The following STAM variants were observed in gnomAD, a reference collection of about 807,000 sequenced individuals.
The protein encoded by STAM is signal transducing adaptor molecule.
In STAM, 16 loss-of-function variants were observed where a neutral mutation model predicts 63.4. The observed-to-expected ratio is 0.25, with a 90% CI of 0.17 to 0.38. The LOEUF is 0.38. Ranked by LOEUF, STAM falls within the 10% of genes least tolerant of loss-of-function variation. STAM has a pLI of 1.00. For synonymous variants in STAM, 238 were observed against 223.9 expected, an observed-to-expected ratio of 1.06 and a Z score of -0.56; for missense variants, 636 against 657.1, an observed-to-expected ratio of 0.97 and a Z score of 0.35.
chr10:17,705,242 C>T (rs1836208651), intron 11 of STAM, among the ~76,000 whole-genome samples: 1 of 152,092 alleles, frequency 6.6e-6, no homozygotes, highest in Non-Finnish European at 1.5e-5. Context: ...AAAGGACCAG[C>T]GTAGATAGGT....
chr10:17,692,627 TTA>T (rs1218161844), intron 5 of STAM, among the ~76,000 whole-genome samples: 1 of 152,226 alleles, frequency 6.6e-6, no homozygotes, highest in African/African-American at 2.4e-5. Flanking sequence ...GTGAATTGAA[TTA>T]TATGTTTGTT....
chr10:17,650,882 G>A (rs1207098682), intron 1 of STAM, among the ~76,000 whole-genome samples: 6 of 151,946 alleles, frequency 3.9e-5, no homozygotes, highest in African/African-American at 9.7e-5. Flanking sequence ...TGGCTAACAT[G>A]GTGAAACCCC....
intron 7 of STAM, chr10:17,696,468 T>C (rs1289303711): frequency 8.1e-6 from 2 of 248,042 alleles, no homozygotes; most frequent in African/African-American, 2.2e-5. Flanking sequence ...GACTTCTTAC[T>C]CTGGAGCCTG....
intron 2 of STAM, among the ~76,000 whole-genome samples, chr10:17,681,117 A>G (rs1011049532): frequency 6.6e-6 from 1 of 151,432 alleles, no homozygotes; most frequent in South Asian, 2.1e-4. Context: ...ATTTCTCCAC[A>G]TCTTTGTCAA....
intron 12 of STAM, 147 bp from the exon 13 acceptor site, chr10:17,708,629 A>C (rs1180520937): frequency 2.5e-6 from 2 of 802,048 alleles, no homozygotes; most frequent in Non-Finnish European, 3.6e-6. Context: ...GCGTTTTTCA[A>C]AATGCCCGTT....
At chr10:17,700,916 TG>T (rs1835967249) in intron 9 of STAM, among the ~76,000 whole-genome samples, 1 of 152,246 alleles carries the variant, frequency 6.6e-6, no homozygotes, top group Admixed American at 6.5e-5. Flanking sequence ...GCTAATATAT[TG>T]AATATCATTG....
chr10:17,688,151 C>G lies in STAM; in HGVS notation c.422C>G (p.Thr141Arg). 6.4e-7 allele frequency: 1 copy of G among 1,572,826 alleles called. No individual in the cohort carries two copies. Among genetic ancestry groups the G allele is most frequent in the Non-Finnish European group, 8.6e-7 (1 of 1,160,094 alleles). The change falls in exon 5 of 14, where the codon ACG becomes AGG. Residue 141 changes from threonine (T) to arginine (R), a missense_variant. Physicochemically the swap from Thr to Arg is moderately conservative, Grantham distance 71. Coordinates refer to ENST00000377524, the MANE Select transcript of STAM (RefSeq NM_003473.4). ...MIKNLKEQGV[T>R]FPAIGSQAAE... ...AAGAACCTTAAGGAACAAGGAGTTA[C>G]GTTCCCAGCTATTGGCTCTCAGGTA...
chr10:17,690,841 C>T (rs144318725), intron 5 of STAM, among the ~76,000 whole-genome samples: 6 of 152,288 alleles, frequency 3.9e-5, no homozygotes, highest in Non-Finnish European at 5.9e-5. Context: ...CTAGCAGCAC[C>T]GCTACCGTAG....
chr10:17,704,336 T>C (rs550595994), intron 9 of STAM, 95 bp from the exon 10 acceptor site: 2 of 1,090,934 alleles, frequency 1.8e-6, no homozygotes, highest in East Asian at 4.8e-5. Flanking sequence ...TCCATAACTA[T>C]GAATTTCAAA....
At chr10:17,653,669 A>G (rs1589024564) in intron 1 of STAM, among the ~76,000 whole-genome samples, 2 of 152,222 alleles carry the variant, frequency 1.3e-5, no homozygotes, top group African/African-American at 4.8e-5. Flanking sequence ...TATGCCCTAT[A>G]CAGTATAGTT....
intron 2 of STAM, among the ~76,000 whole-genome samples, chr10:17,665,532 T>C (rs1034067516): frequency 6.6e-6 from 1 of 152,140 alleles, no homozygotes; most frequent in South Asian, 2.1e-4. Context: ...TAATTACTTA[T>C]CGTTACTTAT....
chr10:17,677,402 A>G (rs1834899580), intron 2 of STAM, among the ~76,000 whole-genome samples: 2 of 152,322 alleles, frequency 1.3e-5, no homozygotes, highest in South Asian at 4.1e-4. Context: ...AATCATCTTT[A>G]GATTATTTTT....
At chr10:17,684,635 A>T in intron 2 of STAM, 40 bp from the exon 3 acceptor site, 1 of 1,542,198 alleles carries the variant, frequency 6.5e-7, no homozygotes, top group Non-Finnish European at 8.9e-7. Flanking sequence ...GGGAAGCTAG[A>T]TGTATTATTA....
intron 1 of STAM, among the ~76,000 whole-genome samples, chr10:17,646,174 A>T (rs1399552324): frequency 6.6e-6 from 1 of 152,190 alleles, no homozygotes; most frequent in African/African-American, 2.4e-5. Flanking sequence ...TTTCCTGATT[A>T]CTGTAGCAAA....
At chr10:17,685,876 G>A (rs1232923344) in intron 4 of STAM, among the ~76,000 whole-genome samples, 1 of 152,140 alleles carries the variant, frequency 6.6e-6, no homozygotes, top group Non-Finnish European at 1.5e-5. Context: ...TAATATGTGA[G>A]TTTCCCCAGT....
intron 2 of STAM, among the ~76,000 whole-genome samples, chr10:17,665,923 T>G (rs1834356414): frequency 6.6e-6 from 1 of 152,148 alleles, no homozygotes; most frequent in Middle Eastern, 3.2e-3. Context: ...GCCCAGCCAA[T>G]TAGGTCATAT....
At chr10:17,714,313 C>CCCA (rs1836702905) in intron 13 of STAM, among the ~76,000 whole-genome samples, 1 of 114,978 alleles carries the variant, frequency 8.7e-6, no homozygotes, top group Non-Finnish European at 2.0e-5. Context: ...CCGCAAACCA[C>CCCA]CCCCCCCAAC....
intron 5 of STAM, among the ~76,000 whole-genome samples, chr10:17,690,125 C>CT (rs1554826584): frequency 6.6e-6 from 1 of 152,224 alleles, no homozygotes; most frequent in African/African-American, 2.4e-5. Flanking sequence ...GGTTAAGTGA[C>CT]TTGCCCAGGG....
chr10:17,696,695 A>T, intron 7 of STAM, 80 bp from the exon 8 acceptor site: 1 of 997,264 alleles, frequency 1.0e-6, no homozygotes, highest in Non-Finnish European at 1.5e-6. Flanking sequence ...TAATAGTGTA[A>T]GTTGAATACT....
Sources: gnomAD v4.1 joint callset for allele counts (sites outside exome capture counted in the v4.1 genomes callset) on GRCh38, gnomAD v4.1.1 for gene constraint, MANE v1.5 for transcripts, NCBI Gene and HGNC (gene_info 2026-07-23, HGNC 2026-07-21) for gene names.